ATL3: variants seen among roughly 807,000 people sequenced by gnomAD.
ATL3 encodes the protein atlastin GTPase 3.
Under a neutral mutation model 69.5 loss-of-function variants are expected in ATL3, and 49 were observed. The observed-to-expected ratio is 0.71, with a 90% confidence interval of 0.56 to 0.89. ATL3 has a LOEUF of 0.89. ATL3 is among the 40% of genes least tolerant of loss of function. ATL3 has a pLI of 0.00. For missense variants in ATL3, 606 were observed against 645.7 expected (o/e 0.94, Z 0.67); for synonymous variants, 214 against 224.1 (o/e 0.95, Z 0.40).
chr11:63,643,568 G>A (rs1236165816), intron 7 of ATL3, 73 bp from the exon 8 acceptor site: 4 of 1,424,932 alleles, frequency 2.8e-6, no homozygotes, highest in South Asian at 1.4e-5. Context: ...CTAGTATAAG[G>A]ACAAAGGAAA....
intron 1 of ATL3, among the ~76,000 whole-genome samples, chr11:63,667,628 G>C (rs1940615803): frequency 1.3e-5 from 2 of 152,052 alleles, no homozygotes; most frequent in Non-Finnish European, 2.9e-5. Flanking sequence ...GCCAGGCGTG[G>C]TGGTGCATGA....
rs1416894292 is a variant in ATL3, at chr11:63,625,251, TA to T, written c.*4067del. ...CTTCATTATGCCCTTATCCCTTGAC[TA>T]GAATTTTGTTAAATAAAACATATGT... On this transcript the variant is annotated 3_prime_UTR_variant, in exon 13 of 13. Coordinates refer to ENST00000398868, the MANE Select transcript of ATL3 (RefSeq NM_015459.5). 1 of 152,192 alleles carries T rather than the reference TA, an allele frequency of 6.6e-6. No individual in the cohort carries two copies. Among genetic ancestry groups the T allele is most frequent in the East Asian group, 1.9e-4 (1 of 5,198 alleles). 9.4% of individuals were successfully genotyped at this position (152,192 alleles called of 1,614,324 possible).
chr11:63,662,030 T>C (rs552412304), intron 1 of ATL3, among the ~76,000 whole-genome samples: 19 of 151,662 alleles, frequency 1.3e-4, no homozygotes, highest in African/African-American at 4.6e-4. Context: ...TGGTCCAACA[T>C]GGTGAAACTC....
At chr11:63,671,398 G>A (rs1480782702), upstream of ATL3, 1 of 1,527,762 alleles carries the variant, frequency 6.5e-7, no homozygotes. Flanking sequence ...GTGCGGGCGG[G>A]AACGAACCGG....
At chr11:63,654,145 ATT>A (rs1330665161) in intron 3 of ATL3, among the ~76,000 whole-genome samples, 1 of 149,158 alleles carries the variant, frequency 6.7e-6, no homozygotes, top group African/African-American at 2.5e-5. Flanking sequence ...TAAAGATACA[ATT>A]TGTTTTTTTT....
upstream of ATL3, chr11:63,671,430 C>A (rs1338238707): frequency 2.0e-6 from 3 of 1,511,350 alleles, no homozygotes; most frequent in Middle Eastern, 1.8e-4. Flanking sequence ...GGGAAACGGG[C>A]GGAGCCTGGG....
chr11:63,640,890 C>T (rs1939680130), intron 8 of ATL3, among the ~76,000 whole-genome samples: 1 of 152,172 alleles, frequency 6.6e-6, no homozygotes, highest in South Asian at 2.1e-4. Context: ...GCGTGAGCCA[C>T]TGCACCCAGC....
At position 63,626,129 on chromosome 11, in the gene ATL3, C is replaced by T. The variant is rs1939102973; in HGVS notation, c.*3190G>A. 1.3e-5 allele frequency: 2 copies of T among 152,128 alleles called. No homozygotes were observed. The highest frequency in any genetic ancestry group is 6.6e-5 in the Admixed American group (1 of 15,266). 9.4% of individuals were successfully genotyped at this position (152,128 alleles called of 1,614,324 possible). On this transcript the variant is annotated 3_prime_UTR_variant, in exon 13 of 13. Transcript: ENST00000398868. ...GCGGGGTGGCTCATGCCTGTAATCC[C>T]AGCACTTTGGGAGGCTGGGGGGAGT...
intron 1 of ATL3, among the ~76,000 whole-genome samples, chr11:63,669,979 G>A (rs1940722344): frequency 2.0e-5 from 3 of 152,134 alleles, no homozygotes; most frequent in East Asian, 1.9e-4. Context: ...GGTGGAGAGC[G>A]CCTGTAATCC....
In ATL3 at chr11:63,635,697, G is replaced by C. The variant is rs914365377; in HGVS notation, c.979-107C>G. ...ACAACTGCATTTTCCTAAAGACTTA[G>C]GTCAACAACCAGGAATTAGCAAAAA... is the stretch of plus-strand genomic sequence containing the variant. On this transcript the variant is annotated intron_variant, in intron 9 of 12. Transcript: ENST00000398868. 9.4e-6 allele frequency: 8 copies of C among 848,370 alleles called. No homozygotes were observed. The African/African-American group carries it at 1.2e-4, about 13-fold the overall frequency. 52.6% of individuals were successfully genotyped at this position (848,370 alleles called of 1,614,324 possible). A position where few individuals can be genotyped will look rare whatever the true frequency, so the allele number is the denominator to read the frequency against.
rs144488698 is a variant in ATL3, at chr11:63,646,680, G to T, written c.562-117C>A. 1.9e-3 allele frequency: 1,068 copies of T among 566,058 alleles called. 9 individuals carry two copies. In the African/African-American group the frequency reaches 0.02, roughly 10 times the overall value. 35.1% of individuals were successfully genotyped at this position (566,058 alleles called of 1,614,324 possible). ...ATACCAGACTTCTACAGTTTCAAAA[G>T]CCCACAGGAGTCATGAACCTTAAAA... On this transcript the variant is annotated intron_variant, in intron 5 of 12. Transcript: ENST00000398868.
intron 1 of ATL3, among the ~76,000 whole-genome samples, chr11:63,666,619 G>T (rs999145055): frequency 2.0e-5 from 3 of 150,718 alleles, no homozygotes; most frequent in Non-Finnish European, 3.0e-5. Context: ...GAGGCCGAGG[G>T]GGGTGGATCG....
intron 11 of ATL3, among the ~76,000 whole-genome samples, chr11:63,631,949 T>C (rs1042242032): frequency 2.0e-5 from 3 of 152,110 alleles, no homozygotes; most frequent in African/African-American, 7.2e-5. Flanking sequence ...ACCACTGCAC[T>C]CCAGCCTGGG....
chr11:63,643,383 CT>C lies in ATL3; in HGVS notation c.823del (p.Ser275AlafsTer8). Reference sequence around the variant, plus strand: ...TTTTAATTTCCCATCAAAGTCAGGGCTTGTGGCCACCTGGAGTCCTGGATGT... The same window carrying C: ...TTTTAATTTCCCATCAAAGTCAGGGCTGTGGCCACCTGGAGTCCTGGATGT... ...LPHPGLQVAT[S>X]PDFDGKLKDI... On this transcript the variant is annotated frameshift_variant, in exon 8 of 13. Transcript: ENST00000398868. LOFTEE classifies it high-confidence loss of function. 6.2e-7 allele frequency: 1 copy of C among 1,610,352 alleles called. No individual in the cohort carries two copies. The highest frequency in any genetic ancestry group is 8.5e-7 in the Non-Finnish European group (1 of 1,178,206).
intron 1 of ATL3, among the ~76,000 whole-genome samples, chr11:63,670,935 G>A (rs912332521): frequency 6.6e-6 from 1 of 152,120 alleles, no homozygotes; most frequent in Admixed American, 6.5e-5. Context: ...GGGGCTCGGC[G>A]GGGCCGAAGC....
At chr11:63,650,935 G>A (rs571212203) in intron 5 of ATL3, among the ~76,000 whole-genome samples, 23 of 152,268 alleles carry the variant, frequency 1.5e-4, no homozygotes, top group South Asian at 2.1e-4. Context: ...ATTAAGGATC[G>A]AGGTTTAGGA....
At chr11:63,644,055 GT>G (rs1939786091) in intron 7 of ATL3, 113 bp downstream of exon 7, 1 of 683,672 alleles carries the variant, frequency 1.5e-6, no homozygotes, top group South Asian at 1.8e-5. Context: ...TTCATATATA[GT>G]TAATGTATTC....
intron 8 of ATL3, among the ~76,000 whole-genome samples, chr11:63,637,005 G>A (rs932654773): frequency 6.6e-6 from 1 of 152,076 alleles, no homozygotes; most frequent in Non-Finnish European, 1.5e-5. Flanking sequence ...ATGGCCGTGC[G>A]TGGTGGCTCA....
At chr11:63,642,632 T>C (rs931444834) in intron 8 of ATL3, among the ~76,000 whole-genome samples, 1 of 152,194 alleles carries the variant, frequency 6.6e-6, no homozygotes, top group Non-Finnish European at 1.5e-5. Context: ...TTACTTAACT[T>C]TCCTCCTTTT....
Sources: gnomAD v4.1 joint callset for allele counts (sites outside exome capture counted in the v4.1 genomes callset) on GRCh38, gnomAD v4.1.1 for gene constraint, MANE v1.5 for transcripts, NCBI Gene and HGNC (gene_info 2026-07-23, HGNC 2026-07-21) for gene names.